Variants in UGT3A1 observed in about 807,000 individuals in gnomAD.
The protein encoded by UGT3A1 is UDP glycosyltransferase family 3 member A1.
A neutral mutation model predicts 37.6 loss-of-function variants in UGT3A1; 40 were observed. The ratio of observed to expected loss-of-function variants is 1.06; its 90% confidence interval spans 0.83 to 1.38. The LOEUF is 1.38. Among genes scored for constraint, UGT3A1 ranks in the 40% most tolerant of loss-of-function variants. The pLI is 0.00. For missense variants in UGT3A1, 642 were observed against 634.2 expected (o/e 1.01, Z -0.13); for synonymous variants, 256 against 232.3 (o/e 1.10, Z -0.93).
At chr5:35,965,275 C>T in intron 4 of UGT3A1, 111 bp downstream of exon 4, 1 of 1,494,100 alleles carries the variant, frequency 6.7e-7, no homozygotes, top group South Asian at 1.4e-5. Flanking sequence ...TAGGTGCCTC[C>T]TTTGCCAATC....
Position 35,968,012 on chromosome 5 carries a change from A to G in UGT3A1, c.311+7T>C. 1 of 1,599,634 alleles carries G rather than the reference A, an allele frequency of 6.3e-7. No individual in the cohort carries two copies. The highest frequency in any genetic ancestry group is 8.6e-7 in the Non-Finnish European group (1 of 1,169,414). ...ACTCTTTGCTTCATAGAATGAAAAG[A>G]AGTTACCTGCCATCCAATGCTGTTT... On this transcript the variant is annotated splice_region_variant and intron_variant, in intron 3 of 6. Transcript: ENST00000274278.
At chr5:35,999,571 C>T (rs1191508577) in intron 1 of UGT3A1, among the ~76,000 whole-genome samples, 1 of 152,194 alleles carries the variant, frequency 6.6e-6, no homozygotes, top group Non-Finnish European at 1.5e-5. Context: ...ATCCATTATT[C>T]CAATGGCATA....
intron 4 of UGT3A1, among the ~76,000 whole-genome samples, chr5:35,960,310 G>A (rs757230853): frequency 5.9e-5 from 9 of 152,224 alleles, no homozygotes; most frequent in Non-Finnish European, 1.2e-4. Context: ...TCCAAGTAGT[G>A]TAGTACTGCC....
chr5:35,967,337 CA>C (rs1425460261), intron 3 of UGT3A1, among the ~76,000 whole-genome samples: 1 of 152,124 alleles, frequency 6.6e-6, no homozygotes, highest in Non-Finnish European at 1.5e-5. Flanking sequence ...TCAAGGAAAG[CA>C]AAGAGGATGA....
chr5:35,985,803 A>T (rs1740706439), intron 2 of UGT3A1, among the ~76,000 whole-genome samples: 2 of 152,204 alleles, frequency 1.3e-5, no homozygotes, highest in African/African-American at 4.8e-5. Context: ...CTCAGCAAAG[A>T]CTTTTTTAGT....
chr5:35,997,706 T>C (rs1741129427), intron 1 of UGT3A1, among the ~76,000 whole-genome samples: 1 of 152,222 alleles, frequency 6.6e-6, no homozygotes, highest in Admixed American at 6.5e-5. Flanking sequence ...ATTACAGGCA[T>C]GAGCCACAGC....
intron 2 of UGT3A1, among the ~76,000 whole-genome samples, chr5:35,974,462 T>A (rs1740180262): frequency 6.6e-6 from 1 of 152,112 alleles, no homozygotes; most frequent in African/African-American, 2.4e-5. Flanking sequence ...CAAAGCAATA[T>A]TGCACTCTAC....
At chr5:35,969,423 T>C (rs973024559) in intron 2 of UGT3A1, among the ~76,000 whole-genome samples, 29 of 152,108 alleles carry the variant, frequency 1.9e-4, no homozygotes, top group African/African-American at 7.0e-4. Context: ...CTGATACTCA[T>C]TGGAACTCTC....
chr5:35,957,087 A>C, intron 5 of UGT3A1, 101 bp downstream of exon 5: 64 of 871,884 alleles, frequency 7.3e-5, no homozygotes, highest in Non-Finnish European at 9.9e-5. Context: ...ATGAGTAGCT[A>C]CTACGTAGGC....
intron 2 of UGT3A1, among the ~76,000 whole-genome samples, chr5:35,974,786 C>T (rs1740194996): frequency 6.6e-6 from 1 of 152,160 alleles, no homozygotes; most frequent in South Asian, 2.1e-4. Flanking sequence ...ACAAGGTCAG[C>T]AATACACCTT....
At chr5:35,998,429 G>T (rs1741144506) in intron 1 of UGT3A1, among the ~76,000 whole-genome samples, 2 of 152,188 alleles carry the variant, frequency 1.3e-5, no homozygotes, top group Admixed American at 1.3e-4. Flanking sequence ...GCATTCTCTG[G>T]ATACCCTTCT....
intron 1 of UGT3A1, among the ~76,000 whole-genome samples, chr5:35,989,359 C>T (rs1406534917): frequency 6.6e-6 from 1 of 152,168 alleles, no homozygotes; most frequent in African/African-American, 2.4e-5. Context: ...CATGTTCCAA[C>T]ACAGACCCTT....
At chr5:35,967,196 A>G (rs1739841492) in intron 3 of UGT3A1, among the ~76,000 whole-genome samples, 1 of 152,236 alleles carries the variant, frequency 6.6e-6, no homozygotes, top group South Asian at 2.1e-4. Flanking sequence ...AAGATGCCAT[A>G]GACTAAGTAT....
intron 5 of UGT3A1, among the ~76,000 whole-genome samples, chr5:35,956,722 C>T (rs908278173): frequency 6.6e-6 from 1 of 152,132 alleles, no homozygotes; most frequent in African/African-American, 2.4e-5. Context: ...CTTTCACATC[C>T]TTAGTAGATA....
rs1250311349 is a variant in UGT3A1 at position 35,954,217 on chromosome 5, C to T, written c.1557G>A (p.Lys519=). The T allele has an allele frequency of 2.5e-6, 4 of 1,613,998 alleles. No individual in the cohort carries two copies. Among genetic ancestry groups the T allele is most frequent in the Admixed American group, 1.7e-5 (1 of 60,014 alleles). Reference sequence around the variant, plus strand: ...ACACCTAGCCTCATGTCTTCTTCACCTTCCTGGCCCCACGCAGCCACCTGG... The same window carrying T: ...ACACCTAGCCTCATGTCTTCTTCACTTTCCTGGCCCCACGCAGCCACCTGG... ...VVARWLRGAR[K]VKKT Residue 519 remains lysine (K), a synonymous_variant, in exon 7 of 7, where the codon AAG becomes AAA. Coordinates refer to ENST00000274278, the MANE Select transcript of UGT3A1 (RefSeq NM_152404.4).
intron 1 of UGT3A1, among the ~76,000 whole-genome samples, chr5:35,990,039 T>C (rs1292566422): frequency 1.3e-5 from 2 of 150,428 alleles, no homozygotes; most frequent in Non-Finnish European, 3.0e-5. Flanking sequence ...TTGCAGTGAG[T>C]TGAGATGGCG....
At chr5:35,986,298 G>A (rs1190192300) in intron 2 of UGT3A1, among the ~76,000 whole-genome samples, 1 of 152,066 alleles carries the variant, frequency 6.6e-6, no homozygotes, top group Admixed American at 6.6e-5. Flanking sequence ...ACTACCATAT[G>A]ATGCAGCAAT....
intron 4 of UGT3A1, among the ~76,000 whole-genome samples, chr5:35,959,248 C>T (rs181621828): frequency 9.2e-5 from 14 of 152,260 alleles, no homozygotes; most frequent in African/African-American, 2.4e-4. Context: ...ACAGAAGTAA[C>T]TAATTGTTCA....
rs925449508 is a variant in UGT3A1, at chr5:35,952,811, C to A, written c.*1391G>T. 1 of 152,178 alleles carries A rather than the reference C, an allele frequency of 6.6e-6. No homozygotes were observed. Among genetic ancestry groups the A allele is most frequent in the Non-Finnish European group, 1.5e-5 (1 of 68,038 alleles). 9.4% of individuals were successfully genotyped at this position (152,178 alleles called of 1,614,324 possible). ...CTAATGTACTTCTGCGTGCTTCATGCTTCTGGCTCTTGTGTCATGAGAACT... is the reference window on the plus strand; with the variant it reads ...CTAATGTACTTCTGCGTGCTTCATGATTCTGGCTCTTGTGTCATGAGAACT... On this transcript the variant is annotated 3_prime_UTR_variant, in exon 7 of 7. Coordinates refer to ENST00000274278, the MANE Select transcript of UGT3A1 (RefSeq NM_152404.4).
Sources: gnomAD v4.1 joint callset for allele counts (sites outside exome capture counted in the v4.1 genomes callset) on GRCh38, gnomAD v4.1.1 for gene constraint, MANE v1.5 for transcripts, NCBI Gene and HGNC (gene_info 2026-07-23, HGNC 2026-07-21) for gene names.